Variants in NCOA6 observed in about 807,000 individuals in gnomAD.
NCOA6 encodes nuclear receptor coactivator 6.
A neutral mutation model predicts 171.4 loss-of-function variants in NCOA6; 49 were observed. The ratio of observed to expected loss-of-function variants is 0.29; its 90% CI spans 0.23 to 0.36. The LOEUF is 0.36. Ranked by LOEUF, NCOA6 falls within the 10% of genes least tolerant of loss-of-function variation. NCOA6 has a pLI of 1.00. For missense variants in NCOA6, 2,248 were observed against 2,554.5 expected, an observed-to-expected ratio of 0.88 and a Z score of 2.59; for synonymous variants, 910 against 927.5, an observed-to-expected ratio of 0.98 and a Z score of 0.34.
At chr20:34,806,712 G>A (rs1304334158) in intron 1 of NCOA6, among the ~76,000 whole-genome samples, 1 of 152,186 alleles carries the variant, frequency 6.6e-6, no homozygotes. Flanking sequence ...TCAGTTGGCT[G>A]TAAACGTGTG....
intron 5 of NCOA6, among the ~76,000 whole-genome samples, chr20:34,765,439 CAAAA>C (rs34605174): frequency 2.8e-5 from 3 of 106,508 alleles, no homozygotes; most frequent in Admixed American, 9.3e-5. Context: ...GAGTCCGTCT[CAAAA>C]AAAAAAAAAA....
intron 10 of NCOA6, 83 bp downstream of exon 10, chr20:34,746,724 C>T: frequency 7.1e-7 from 1 of 1,408,396 alleles, no homozygotes; most frequent in African/African-American, 1.4e-5. Flanking sequence ...AAATAAAATA[C>T]TATTGTTTCC....
At chr20:34,767,785 T>C (rs2077025703) in intron 5 of NCOA6, among the ~76,000 whole-genome samples, 1 of 152,128 alleles carries the variant, frequency 6.6e-6, no homozygotes, top group Non-Finnish European at 1.5e-5. Flanking sequence ...ACTAGTGCAG[T>C]GAAAAAAGCA....
At chr20:34,783,463 CT>C (rs1281786536) in intron 2 of NCOA6, among the ~76,000 whole-genome samples, 1 of 152,172 alleles carries the variant, frequency 6.6e-6, no homozygotes, top group African/African-American at 2.4e-5. Flanking sequence ...GCCATTTCCT[CT>C]GTTAGTTTGG....
rs188906124 is a variant in NCOA6, at chr20:34,818,013, C to T, written c.-164+7459G>A. Among the ~76,000 whole-genome samples, 5 of 152,262 alleles carry T rather than the reference C, an allele frequency of 3.3e-5. No individual in the cohort carries two copies. The East Asian group carries it at 7.7e-4, about 23-fold the overall frequency. ...GGTATGCAGAGATTAGGAAGGCAGGCTTTGAAATTAGACTACCTGGACTCA... is the reference window on the plus strand; with the variant it reads ...GGTATGCAGAGATTAGGAAGGCAGGTTTTGAAATTAGACTACCTGGACTCA... On this transcript the variant is annotated intron_variant, in intron 1 of 14. Transcript: ENST00000359003.
In NCOA6 at chr20:34,747,757, T is replaced by C. The variant is rs143276562; in HGVS notation, c.2793-829A>G. ...TCCACTTTAAAAGCCTCCCAGCAAATGGAAATTTAGAACCTGAAGCAGATC... is the reference window on the plus strand; with the variant it reads ...TCCACTTTAAAAGCCTCCCAGCAAACGGAAATTTAGAACCTGAAGCAGATC... On this transcript the variant is annotated intron_variant, in intron 9 of 14. Coordinates refer to ENST00000359003, the MANE Select transcript of NCOA6 (RefSeq NM_014071.5). Among the ~76,000 whole-genome samples the C allele has an allele frequency of 4.0e-3, 615 of 152,288 alleles. 4 individuals carry two copies. The highest frequency in any genetic ancestry group is 0.013 in the African/African-American group (557 of 41,560).
At chr20:34,800,448 C>A (rs1052894826) in intron 1 of NCOA6, among the ~76,000 whole-genome samples, 3 of 151,964 alleles carry the variant, frequency 2.0e-5, no homozygotes, top group African/African-American at 7.2e-5. Context: ...TGAACAACAA[C>A]AACAGAAAAC....
chr20:34,722,253 C>T (rs6060015), intron 14 of NCOA6, among the ~76,000 whole-genome samples: 67,571 of 150,626 alleles, frequency 0.45, 15,526 homozygotes, highest in Admixed American at 0.6. Flanking sequence ...TGGTGGTACG[C>T]GCCTGTAATC....
intron 5 of NCOA6, among the ~76,000 whole-genome samples, chr20:34,764,286 A>G (rs1348448362): frequency 6.6e-6 from 1 of 152,038 alleles, no homozygotes; most frequent in Non-Finnish European, 1.5e-5. Flanking sequence ...ACAGGGTTTC[A>G]CCATGTTAGC....
intron 1 of NCOA6, among the ~76,000 whole-genome samples, chr20:34,802,286 G>C (rs1309717694): frequency 6.6e-6 from 1 of 152,100 alleles, no homozygotes; most frequent in South Asian, 2.1e-4. Flanking sequence ...GGCCAACATG[G>C]AGAAACCTCA....
Position 34,757,510 on chromosome 20 carries a change from C to T in NCOA6, c.1238G>A (p.Arg413Lys). 6.2e-7 allele frequency: 1 copy of T among 1,613,828 alleles called. No individual in the cohort carries two copies. The highest frequency in any genetic ancestry group is 8.5e-7 in the Non-Finnish European group (1 of 1,179,852). The change falls in exon 7 of 15, where the codon AGG becomes AAG. Residue 413 changes from arginine to lysine, a missense_variant. Arg to Lys is a conservative substitution (Grantham distance 26, BLOSUM62 2). Coordinates refer to ENST00000359003, the MANE Select transcript of NCOA6 (RefSeq NM_014071.5). ...GGGCTGCTGCAAGGGAGTTGGGACCCTAGAGGGCCCTCCCTGCAAACTCTT... is the reference window on the plus strand; with the variant it reads ...GGGCTGCTGCAAGGGAGTTGGGACCTTAGAGGGCCCTCCCTGCAAACTCTT... Reference protein sequence around the residue: ...QMKSLQGGPSRVPTPLQQPHL... With the variant: ...QMKSLQGGPSKVPTPLQQPHL...
Position 34,750,218 on chromosome 20 carries a change from G to A in NCOA6, c.1977C>T (p.Gly659=), listed in dbSNP as rs1395952455. 1 of 1,610,758 alleles carries A rather than the reference G, an allele frequency of 6.2e-7. No individual in the cohort carries two copies. The highest frequency in any genetic ancestry group is 2.2e-5 in the East Asian group (1 of 44,850). The change falls in exon 9 of 15, where the codon GGC becomes GGT. Residue 659 remains glycine (G), a synonymous_variant. Coordinates refer to ENST00000359003, the MANE Select transcript of NCOA6 (RefSeq NM_014071.5). ...GGCTCGGGGGGTTCACCATCATCTGGCCCTGTGGCATAAGCTGGGCCCTTG... is the reference window on the plus strand; with the variant it reads ...GGCTCGGGGGGTTCACCATCATCTGACCCTGTGGCATAAGCTGGGCCCTTG... ...ILSRAQLMPQ[G]QMMVNPPSQN... is the part of the protein sequence containing the mutation.
At position 34,749,861 on chromosome 20, in the gene NCOA6, A is replaced by C; in HGVS notation, c.2334T>G (p.Ser778=). 1.9e-6 allele frequency: 3 copies of C among 1,614,234 alleles called. No individual in the cohort carries two copies. Among genetic ancestry groups the C allele is most frequent in the Middle Eastern group, 1.6e-4 (1 of 6,062 alleles). The change falls in exon 9 of 15, where the codon TCT becomes TCG. Residue 778 remains serine, a synonymous_variant. Coordinates refer to ENST00000359003, the MANE Select transcript of NCOA6 (RefSeq NM_014071.5). ...PQQGPVNNSP[S]QVMGIQGQVL... ...CCTGTCCCTGAATGCCCATAACCTG[A>C]GATGGACTGTTGTTCACAGGCCCTT...
chr20:34,812,180 G>A (rs1011992540), intron 1 of NCOA6, among the ~76,000 whole-genome samples: 2 of 151,978 alleles, frequency 1.3e-5, no homozygotes, highest in Admixed American at 6.6e-5. Flanking sequence ...TTGAACCAGG[G>A]AGGAAGAGGT....
intron 4 of NCOA6, among the ~76,000 whole-genome samples, chr20:34,772,415 A>G (rs919249925): frequency 1.3e-5 from 2 of 152,202 alleles, no homozygotes; most frequent in African/African-American, 4.8e-5. Context: ...GCAGATGCTC[A>G]TTAGCTATTT....
intron 2 of NCOA6, among the ~76,000 whole-genome samples, chr20:34,787,697 G>T (rs2077728199): frequency 6.6e-6 from 1 of 152,156 alleles, no homozygotes; most frequent in Admixed American, 6.5e-5. Flanking sequence ...AAGCGTTCTT[G>T]GCTTCGCCCA....
At chr20:34,754,166 T>A (rs115894758) in intron 8 of NCOA6, among the ~76,000 whole-genome samples, 2 of 152,212 alleles carry the variant, frequency 1.3e-5, no homozygotes, top group Non-Finnish European at 2.9e-5. Context: ...GCTTAACATG[T>A]ACCACGTAGA....
rs1426880641 is a variant in NCOA6, at chr20:34,749,852, C to G, written c.2343G>C (p.Met781Ile). ...GPVNNSPSQV[M>I]GIQGQVLRPP... ...GCCGCAGGACCTGTCCCTGAATGCCCATAACCTGAGATGGACTGTTGTTCA... is the reference window on the plus strand; with the variant it reads ...GCCGCAGGACCTGTCCCTGAATGCCGATAACCTGAGATGGACTGTTGTTCA... Residue 781 changes from methionine (M) to isoleucine (I), a missense_variant, in exon 9 of 15, where the codon ATG becomes ATC. Met to Ile is a conservative substitution (Grantham distance 10). Transcript: ENST00000359003. 6.2e-7 allele frequency: 1 copy of G among 1,614,118 alleles called. No homozygotes were observed. Among genetic ancestry groups the G allele is most frequent in the Non-Finnish European group, 8.5e-7 (1 of 1,180,048 alleles).
chr20:34,808,965 C>G (rs2078558524), intron 1 of NCOA6, among the ~76,000 whole-genome samples: 1 of 152,148 alleles, frequency 6.6e-6, no homozygotes, highest in South Asian at 2.1e-4. Context: ...GAGAGAGAGG[C>G]AGCTGAATGA....
Sources: allele counts gnomAD v4.1 joint callset (sites outside exome capture counted in the v4.1 genomes callset), GRCh38; gene constraint gnomAD v4.1.1; transcripts MANE v1.5; gene names NCBI Gene and HGNC (gene_info 2026-07-23, HGNC 2026-07-21).